RCN3: variants seen among roughly 807,000 people sequenced by gnomAD.
RCN3 encodes the protein reticulocalbin 3.
In RCN3, 41 loss-of-function variants were observed where a neutral mutation model predicts 35.9. The observed-to-expected ratio is 1.14, with a 90% CI of 0.89 to 1.48. The LOEUF is 1.48. Ranked by LOEUF, RCN3 falls within the 40% of genes most tolerant of loss-of-function variation. The probability of loss-of-function intolerance (pLI) is 0.00; values close to 1 mark genes in which losing one functional copy is unlikely to be tolerated. For missense variants in RCN3, 451 were observed against 471.3 expected (o/e 0.96, Z 0.40); for synonymous variants, 187 against 193.4 (o/e 0.97, Z 0.27).
chr19:49,538,883 A>G (rs1171032557), intron 4 of RCN3, among the ~76,000 whole-genome samples: 1 of 152,184 alleles, frequency 6.6e-6, no homozygotes, highest in African/African-American at 2.4e-5. Context: ...ACTGCTGGAC[A>G]TTAGGGCCTC....
At chr19:49,535,861 A>AAATATAT (rs1555811305) in intron 3 of RCN3, among the ~76,000 whole-genome samples, 1 of 142,746 alleles carries the variant, frequency 7.0e-6, no homozygotes, top group Non-Finnish European at 1.5e-5. Flanking sequence ...AAAAAAAAAA[A>AAATATAT]ATATATATAT....
intron 5 of RCN3, among the ~76,000 whole-genome samples, chr19:49,540,157 C>CTG (rs1376733087): frequency 6.7e-6 from 1 of 149,652 alleles, no homozygotes; most frequent in Non-Finnish European, 1.5e-5. Flanking sequence ...TTCTATCTGT[C>CTG]TGTCTGTGTG....
chr19:49,530,229 C>T (rs931553084), intron 2 of RCN3, among the ~76,000 whole-genome samples: 2 of 150,856 alleles, frequency 1.3e-5, no homozygotes, highest in East Asian at 2.0e-4. Flanking sequence ...GGCGTGATCT[C>T]AGCTCATGCA....
At position 49,528,542 on chromosome 19, in the gene RCN3, C is replaced by A; in HGVS notation, c.70C>A (p.Pro24Thr). ...GCACGGGGCCCAGGGGAAGCCATCC[C>A]CAGACGCAGGCCCTCATGGCCAGGG... is the stretch of plus-strand genomic sequence containing the variant. ...LRHGAQGKPSPDAGPHGQGRV... is the reference protein window; with the variant it reads ...LRHGAQGKPSTDAGPHGQGRV... The change falls in exon 2 of 7, where the codon CCA becomes ACA. Residue 24 changes from proline to threonine, a missense_variant. By Grantham distance (38) the Pro-to-Thr change is conservative. Coordinates refer to ENST00000270645, the MANE Select transcript of RCN3 (RefSeq NM_020650.3). 1.9e-6 allele frequency: 3 copies of A among 1,577,836 alleles called. No individual in the cohort carries two copies.
intron 6 of RCN3, 124 bp downstream of exon 6, chr19:49,542,876 CAG>C: frequency 1.0e-6 from 1 of 982,772 alleles, no homozygotes; most frequent in Non-Finnish European, 1.5e-6. Context: ...AAAAGAGGGA[CAG>C]AGAGAGGGAG....
intron 2 of RCN3, among the ~76,000 whole-genome samples, chr19:49,531,447 C>T (rs1050134762): frequency 2.6e-5 from 4 of 152,124 alleles, no homozygotes; most frequent in Admixed American, 6.6e-5. Flanking sequence ...TTTTAGGCCA[C>T]GATGAAGATT....
intron 2 of RCN3, among the ~76,000 whole-genome samples, chr19:49,530,974 T>G (rs1391048323): frequency 6.6e-6 from 1 of 152,046 alleles, no homozygotes; most frequent in Admixed American, 6.6e-5. Context: ...GAGGCCCGTG[T>G]GGCTGGAACT....
intron 2 of RCN3, among the ~76,000 whole-genome samples, chr19:49,529,480 T>C (rs2080098079): frequency 6.6e-6 from 1 of 152,176 alleles, no homozygotes; most frequent in Non-Finnish European, 1.5e-5. Context: ...GCAGCCGCCT[T>C]CTTCTGTGCA....
At position 49,534,536 on chromosome 19, in the gene RCN3, CTG is replaced by C. The variant is rs1366618236; in HGVS notation, c.445+144_445+145del. The C allele has an allele frequency of 2.8e-5, 21 of 745,360 alleles. No individual in the cohort carries two copies. In the South Asian group the frequency reaches 3.9e-4, roughly 14 times the overall value. The allele number at this position is 745,360 out of a possible 1,614,324, so 46.2% of individuals were successfully genotyped here. A position where few individuals can be genotyped will look rare whatever the true frequency, so the allele number is the denominator to read the frequency against. On this transcript the variant is annotated intron_variant, in intron 3 of 6. Coordinates refer to ENST00000270645, the MANE Select transcript of RCN3 (RefSeq NM_020650.3). ...TCTACCCACTTTTAGGAGCCCATAA[CTG>C]TGAGATCTTCAGTTTCTCACCTCTG...
chr19:49,530,848 T>C (rs992896634), intron 2 of RCN3, among the ~76,000 whole-genome samples: 1 of 152,126 alleles, frequency 6.6e-6, no homozygotes, highest in African/African-American at 2.4e-5. Flanking sequence ...GAGAAGGTGG[T>C]ATGTGGTATT....
chr19:49,534,270 C>T lies in RCN3; in HGVS notation c.320C>T (p.Ala107Val). Residue 107 changes from alanine to valine, a missense_variant, in exon 3 of 7, where the codon GCG (alanine) becomes GTG (valine). Transcript: ENST00000270645. ...VSLAELRAWIAHTQQRHIRDS... is the reference protein window; with the variant it reads ...VSLAELRAWIVHTQQRHIRDS... Reference sequence around the variant, plus strand: ...CTGGCCGAGCTTCGCGCGTGGATCGCGCACACGCAGCAGCGGCACATACGG... The same window carrying T: ...CTGGCCGAGCTTCGCGCGTGGATCGTGCACACGCAGCAGCGGCACATACGG... The T allele has an allele frequency of 6.8e-7, 1 of 1,464,082 alleles. No homozygotes were observed. Among genetic ancestry groups the T allele is most frequent in the South Asian group, 1.4e-5 (1 of 72,598 alleles). The allele number at this position is 1,464,082 out of a possible 1,614,324, so 90.7% of individuals were successfully genotyped here.
At chr19:49,535,873 T>G (rs59740905) in intron 3 of RCN3, among the ~76,000 whole-genome samples, 4,324 of 144,748 alleles carry the variant, frequency 0.03, 138 homozygotes, top group African/African-American at 0.076. Flanking sequence ...TATATATATA[T>G]ATAGATAGAT....
rs2080093020 is a variant in RCN3, at chr19:49,528,581, G to A, written c.109G>A (p.Ala37Thr). ...GPHGQGRVHQAAPLSDAPHDD... is the reference protein window; with the variant it reads ...GPHGQGRVHQTAPLSDAPHDD... ...TCATGGCCAGGGGAGGGTGCACCAGGCGGCCCCCCTGAGCGACGCTCCCCA... is the reference window on the plus strand; with the variant it reads ...TCATGGCCAGGGGAGGGTGCACCAGACGGCCCCCCTGAGCGACGCTCCCCA... The change falls in exon 2 of 7, where the codon GCG becomes ACG. Residue 37 changes from alanine (A) to threonine (T), a missense_variant. By Grantham distance (58) the Ala-to-Thr change is moderately conservative. Coordinates refer to ENST00000270645, the MANE Select transcript of RCN3 (RefSeq NM_020650.3). 6.2e-7 allele frequency: 1 copy of A among 1,608,944 alleles called. No individual in the cohort carries two copies. The highest frequency in any genetic ancestry group is 8.5e-7 in the Non-Finnish European group (1 of 1,177,794).
chr19:49,540,430 G>A (rs1242343927), intron 5 of RCN3, among the ~76,000 whole-genome samples: 4 of 151,972 alleles, frequency 2.6e-5, no homozygotes, highest in Non-Finnish European at 5.9e-5. Context: ...TCAGGAGTTC[G>A]AGACCAGCCT....
At chr19:49,528,264 T>C (rs1422726816) in intron 1 of RCN3, 1 of 490,738 alleles carries the variant, frequency 2.0e-6, no homozygotes, top group Non-Finnish European at 3.6e-6. Context: ...CGTCAGAAGA[T>C]TCGGTCCTCC....
At chr19:49,535,812 T>C (rs1482097564) in intron 3 of RCN3, among the ~76,000 whole-genome samples, 2 of 148,596 alleles carry the variant, frequency 1.3e-5, no homozygotes, top group East Asian at 4.0e-4. Context: ...ATCACATCAC[T>C]GCACTCTGGC....
chr19:49,530,624 G>A (rs940089601), intron 2 of RCN3, among the ~76,000 whole-genome samples: 3 of 151,228 alleles, frequency 2.0e-5, no homozygotes, highest in African/African-American at 4.9e-5. Context: ...AGCCTTCCGA[G>A]TAGCTGGGAT....
chr19:49,543,071 G>A lies in RCN3; in HGVS notation c.880-35G>A, dbSNP rs7252910. Reference sequence around the variant, plus strand: ...AGGGAGGGCTTTTGAAAGCAGGGCCGTGTTGTCCCCTCTGAACCCTGACCC... The same window carrying A: ...AGGGAGGGCTTTTGAAAGCAGGGCCATGTTGTCCCCTCTGAACCCTGACCC... On this transcript the variant is annotated intron_variant, in intron 6 of 6. Coordinates refer to ENST00000270645, the MANE Select transcript of RCN3 (RefSeq NM_020650.3). 5.1e-3 allele frequency: 7,948 copies of A among 1,552,476 alleles called. 342 individuals carry two copies. In the African/African-American group the frequency reaches 0.092, roughly 18 times the overall value.
chr19:49,536,918 C>T (rs2080138357), intron 3 of RCN3, 115 bp from the exon 4 acceptor site: 2 of 1,016,052 alleles, frequency 2.0e-6, no homozygotes, highest in South Asian at 4.1e-5. Context: ...CTGATATATA[C>T]TTATTAACTC....
Sources: allele counts gnomAD v4.1 joint callset (sites outside exome capture counted in the v4.1 genomes callset), GRCh38; gene constraint gnomAD v4.1.1; transcripts MANE v1.5; gene names NCBI Gene and HGNC (gene_info 2026-07-23, HGNC 2026-07-21).